The following FNBP1L variants were observed in gnomAD, a reference collection of about 807,000 sequenced individuals.
The protein encoded by FNBP1L is formin-binding protein 1-like.
In FNBP1L, 36 loss-of-function variants were observed where a neutral mutation model predicts 91.2. That is an observed-to-expected ratio of 0.39 (90% CI 0.30 to 0.52). The LOEUF is 0.52. Among genes scored for constraint, FNBP1L ranks in the 20% least tolerant of loss-of-function variants. FNBP1L has a pLI of 0.66. For missense variants in FNBP1L, 571 were observed against 732.1 expected (o/e 0.78, Z 2.54); for synonymous variants, 242 against 237.0 (o/e 1.02, Z -0.19).
chr1:93,511,287 T>G (rs1050683147), intron 2 of FNBP1L, among the ~76,000 whole-genome samples: 3 of 151,812 alleles, frequency 2.0e-5, no homozygotes, highest in Non-Finnish European at 4.4e-5. Context: ...CAGAAGAGAG[T>G]GGGGGACAAT....
chr1:93,502,404 G>T (rs531267848), intron 2 of FNBP1L, among the ~76,000 whole-genome samples: 234 of 152,152 alleles, frequency 1.5e-3, no homozygotes, highest in African/African-American at 5.5e-3. Flanking sequence ...TAATTTATAA[G>T]ATTAAAAAAA....
chr1:93,499,432 G>T, intron 1 of FNBP1L, 36 bp from the exon 2 acceptor site: 3 of 1,337,338 alleles, frequency 2.2e-6, no homozygotes, highest in South Asian at 2.6e-5. Flanking sequence ...TAAAATTTTA[G>T]ACTTTTGAAA....
At chr1:93,549,835 A>C (rs1570880106) in intron 15 of FNBP1L, among the ~76,000 whole-genome samples, 2 of 152,156 alleles carry the variant, frequency 1.3e-5, no homozygotes, top group African/African-American at 4.8e-5. Context: ...AGACAGGTAC[A>C]AGGCATAGCT....
At chr1:93,510,784 AG>A (rs1670805989) in intron 2 of FNBP1L, among the ~76,000 whole-genome samples, 1 of 152,170 alleles carries the variant, frequency 6.6e-6, no homozygotes, top group African/African-American at 2.4e-5. Context: ...CTGAAAACCA[AG>A]GCTCAAGAAC....
At chr1:93,512,143 T>G (rs1202068130) in intron 2 of FNBP1L, among the ~76,000 whole-genome samples, 3 of 152,004 alleles carry the variant, frequency 2.0e-5, no homozygotes, top group Admixed American at 2.0e-4. Context: ...TAAGACAGAC[T>G]TTAAACCAAC....
chr1:93,509,858 T>C (rs111775026), intron 2 of FNBP1L, among the ~76,000 whole-genome samples: 4,600 of 152,126 alleles, frequency 0.03, 217 homozygotes, highest in African/African-American at 0.1. Context: ...ACAGACGGCA[T>C]CTGGAAAATT....
intron 3 of FNBP1L, among the ~76,000 whole-genome samples, chr1:93,522,747 C>A (rs767474190): frequency 6.6e-5 from 10 of 152,038 alleles, no homozygotes; most frequent in Admixed American, 5.9e-4. Context: ...GAGAGTGTTC[C>A]GCAGTATGTT....
At chr1:93,478,300 C>T (rs1669566012) in intron 1 of FNBP1L, among the ~76,000 whole-genome samples, 1 of 151,962 alleles carries the variant, frequency 6.6e-6, no homozygotes, top group South Asian at 2.1e-4. Flanking sequence ...TAAGTCAGAG[C>T]CTAAGCAGAG....
At chr1:93,513,747 T>C (rs1444613332) in intron 2 of FNBP1L, among the ~76,000 whole-genome samples, 1 of 152,168 alleles carries the variant, frequency 6.6e-6, no homozygotes, top group Non-Finnish European at 1.5e-5. Context: ...TCTCAATAAA[T>C]TAGATATTGA....
intron 1 of FNBP1L, among the ~76,000 whole-genome samples, chr1:93,466,483 G>C (rs960541182): frequency 1.3e-5 from 2 of 152,070 alleles, no homozygotes; most frequent in Non-Finnish European, 2.9e-5. Context: ...TCTTGTTTTT[G>C]TCAGGTTTGT....
At chr1:93,527,938 TA>T (rs1234699146) in intron 5 of FNBP1L, among the ~76,000 whole-genome samples, 1 of 151,442 alleles carries the variant, frequency 6.6e-6, no homozygotes, top group Admixed American at 6.6e-5. Context: ...GGTATTATTT[TA>T]AAAGAAACAT....
chr1:93,512,638 A>G (rs1220829185), intron 2 of FNBP1L, among the ~76,000 whole-genome samples: 2 of 149,450 alleles, frequency 1.3e-5, no homozygotes, highest in East Asian at 3.9e-4. Context: ...CCGCTCAACT[A>G]CATGGAAACT....
At chr1:93,498,359 A>G (rs957203381) in intron 1 of FNBP1L, among the ~76,000 whole-genome samples, 10 of 152,182 alleles carry the variant, frequency 6.6e-5, no homozygotes, top group African/African-American at 2.4e-4. Context: ...AGTTTATATT[A>G]TGCAGATTGA....
intron 2 of FNBP1L, 137 bp downstream of exon 2, chr1:93,499,720 T>G: frequency 3.4e-6 from 2 of 594,132 alleles, no homozygotes; most frequent in South Asian, 4.5e-5. Context: ...CCGGTTTGTT[T>G]TAATGATTAA....
At chr1:93,498,466 C>G (rs575385802) in intron 1 of FNBP1L, among the ~76,000 whole-genome samples, 2 of 152,122 alleles carry the variant, frequency 1.3e-5, no homozygotes, top group African/African-American at 4.8e-5. Context: ...TGGTAACTTG[C>G]TTTTAGGAGT....
intron 16 of FNBP1L, chr1:93,551,765 A>G: frequency 1.0e-6 from 1 of 985,284 alleles, no homozygotes; most frequent in Non-Finnish European, 1.2e-6. Flanking sequence ...TGAATAAAAT[A>G]GATTTTGTTT....
chr1:93,489,294 G>C (rs1198356090), intron 1 of FNBP1L, among the ~76,000 whole-genome samples: 1 of 151,976 alleles, frequency 6.6e-6, no homozygotes, highest in Non-Finnish European at 1.5e-5. Context: ...AGTGGGTGAA[G>C]GATAATAATA....
intron 1 of FNBP1L, among the ~76,000 whole-genome samples, chr1:93,476,937 C>T (rs570616812): frequency 1.3e-5 from 2 of 152,140 alleles, no homozygotes; most frequent in Non-Finnish European, 2.9e-5. Context: ...TGACATCTCT[C>T]CATTTTACTA....
intron 5 of FNBP1L, among the ~76,000 whole-genome samples, chr1:93,528,138 A>G (rs1156809496): frequency 1.3e-5 from 2 of 152,122 alleles, no homozygotes; most frequent in East Asian, 3.9e-4. Context: ...AAACATAGAA[A>G]AGGAACAAAA....
Sources: gnomAD v4.1 joint callset for allele counts (sites outside exome capture counted in the v4.1 genomes callset) on GRCh38, gnomAD v4.1.1 for gene constraint, MANE v1.5 for transcripts, NCBI Gene and HGNC (gene_info 2026-07-23, HGNC 2026-07-21) for gene names.